DNMBP: variants seen among roughly 807,000 people sequenced by gnomAD.
DNMBP encodes dynamin-binding protein.
DNMBP carries 87 observed loss-of-function variants against 150.0 expected under a neutral mutation model. The ratio of observed to expected loss-of-function variants is 0.58; its 90% CI spans 0.49 to 0.69. The LOEUF is 0.69. Ranked by LOEUF, DNMBP falls within the 30% of genes least tolerant of loss-of-function variation. DNMBP has a pLI of 0.00. For missense variants in DNMBP, 1,774 were observed against 1,949.0 expected (o/e 0.91, Z 1.69); for synonymous variants, 711 against 750.4 (o/e 0.95, Z 0.86).
intron 6 of DNMBP, among the ~76,000 whole-genome samples, chr10:99,906,326 T>A (rs1321783146): frequency 1.3e-5 from 2 of 152,160 alleles, no homozygotes; most frequent in Non-Finnish European, 2.9e-5. Flanking sequence ...TTGCAAACTC[T>A]TAAAACGACA....
At chr10:99,931,009 T>G (rs2040151057) in intron 4 of DNMBP, 1 of 392,588 alleles carries the variant, frequency 2.5e-6, no homozygotes, top group African/African-American at 2.1e-5. Context: ...GTAACTAGTA[T>G]GCATGTGATT....
intron 1 of DNMBP, among the ~76,000 whole-genome samples, chr10:99,974,683 G>T (rs1403844708): frequency 1.3e-5 from 2 of 152,012 alleles, no homozygotes; most frequent in Non-Finnish European, 2.9e-5. Flanking sequence ...AGATGAATGA[G>T]GACTCTACCT....
At chr10:99,942,758 A>C (rs932375504) in intron 4 of DNMBP, among the ~76,000 whole-genome samples, 5 of 152,182 alleles carry the variant, frequency 3.3e-5, no homozygotes, top group Admixed American at 6.5e-5. Context: ...TCCTAAAATC[A>C]GAAACTAGTT....
At position 99,969,735 on chromosome 10, in the gene DNMBP, T is replaced by C. The variant is rs557318387; in HGVS notation, c.146-498A>G. 7.2e-5 allele frequency among the ~76,000 whole-genome samples: 11 copies of C among 152,256 alleles called. No individual in the cohort carries two copies. In the South Asian group the frequency reaches 2.1e-3, roughly 29 times the overall value. On this transcript the variant is annotated intron_variant, in intron 2 of 16. Transcript: ENST00000324109. The stretch of plus-strand genomic sequence containing the variant: ...TAGGTGGTGGGAGAAAGACAGGGCC[T>C]GCCAGTTGGAAAGTATCAGAAAGTC...
intron 4 of DNMBP, among the ~76,000 whole-genome samples, chr10:99,950,590 G>A (rs2040409546): frequency 6.6e-6 from 1 of 152,230 alleles, no homozygotes; most frequent in Admixed American, 6.5e-5. Flanking sequence ...AGAAGGAGAT[G>A]AGGAACTTGT....
At chr10:99,995,798 C>T (rs773763148) in intron 1 of DNMBP, among the ~76,000 whole-genome samples, 23 of 152,332 alleles carry the variant, frequency 1.5e-4, no homozygotes, top group East Asian at 1.9e-4. Flanking sequence ...TTATCTTTGC[C>T]TTTTGGGGCC....
intron 4 of DNMBP, among the ~76,000 whole-genome samples, chr10:99,916,957 C>T (rs952461608): frequency 6.6e-5 from 10 of 151,938 alleles, no homozygotes; most frequent in Non-Finnish European, 8.8e-5. Flanking sequence ...AGCGAGATCA[C>T]GCCACTGTAC....
chr10:99,978,342 G>C (rs2040749799), intron 1 of DNMBP, among the ~76,000 whole-genome samples: 1 of 151,958 alleles, frequency 6.6e-6, no homozygotes, highest in African/African-American at 2.4e-5. Flanking sequence ...TTTTCAAACA[G>C]TGAGGTTGAA....
rs185580727 is a variant in DNMBP, at chr10:99,877,460, T to C, written c.4549-124A>G. ...ATGTGGCTACTGAGCCCCTGAAATA[T>C]GGCCAGTGAGACAGAGGAACTGAAT... On this transcript the variant is annotated intron_variant, in intron 16 of 16. Transcript: ENST00000324109. 1.7e-5 allele frequency: 11 copies of C among 659,848 alleles called. No individual in the cohort carries two copies. The Admixed American group carries it at 3.1e-4, about 18-fold the overall frequency. 40.9% of individuals were successfully genotyped at this position (659,848 alleles called of 1,614,324 possible).
chr10:99,946,157 C>A (rs1282981018), intron 4 of DNMBP, among the ~76,000 whole-genome samples: 1 of 152,118 alleles, frequency 6.6e-6, no homozygotes, highest in Non-Finnish European at 1.5e-5. Context: ...AGGGTTTCAC[C>A]ATGTTGGCCA....
chr10:99,878,185 A>C (rs73333933), intron 16 of DNMBP, among the ~76,000 whole-genome samples: 21 of 152,372 alleles, frequency 1.4e-4, no homozygotes, highest in African/African-American at 4.8e-4. Context: ...AACACAAATT[A>C]TGAAAAAGAA....
At chr10:99,988,947 G>A (rs2040857137) in intron 1 of DNMBP, among the ~76,000 whole-genome samples, 2 of 152,276 alleles carry the variant, frequency 1.3e-5, no homozygotes, top group Admixed American at 6.5e-5. Flanking sequence ...ATGGGCGTGA[G>A]CCACTGCACC....
At chr10:99,901,583 T>C (rs950936917) in intron 6 of DNMBP, among the ~76,000 whole-genome samples, 5 of 152,192 alleles carry the variant, frequency 3.3e-5, no homozygotes, top group African/African-American at 1.2e-4. Flanking sequence ...AGCAAACTTC[T>C]ACAGAACAAT....
At chr10:99,930,942 C>T in intron 4 of DNMBP, 1 of 492,694 alleles carries the variant, frequency 2.0e-6, no homozygotes, top group Non-Finnish European at 3.5e-6. Flanking sequence ...GTTATTTCAA[C>T]CTCAGGATCC....
chr10:99,987,539 A>G (rs375708718), intron 1 of DNMBP, among the ~76,000 whole-genome samples: 46 of 152,146 alleles, frequency 3.0e-4, no homozygotes, highest in African/African-American at 1.0e-3. Flanking sequence ...TTCGAGACCA[A>G]CATGGCCAAC....
intron 11 of DNMBP, among the ~76,000 whole-genome samples, chr10:99,890,922 C>T (rs1475478993): frequency 1.3e-5 from 2 of 152,126 alleles, no homozygotes; most frequent in Non-Finnish European, 1.5e-5. Context: ...GTTGGGATTA[C>T]AGGCATGAGC....
chr10:99,894,981 T>C lies in DNMBP; in HGVS notation c.3121A>G (p.Ile1041Val), dbSNP rs2039630056. Reference sequence around the variant, plus strand: ...TGGAGGTAGAGAGACAGGTCTCGGATAAAAGACTTAATCAATCTTTCTTGC... The same window carrying C: ...TGGAGGTAGAGAGACAGGTCTCGGACAAAAGACTTAATCAATCTTTCTTGC... ...RMQERLIKSF[I>V]RDLSLYLQHI... The change falls in exon 11 of 17, where the codon ATC becomes GTC. Residue 1041 changes from isoleucine (I) to valine (V), a missense_variant. By Grantham distance (29) the Ile-to-Val change is conservative. This residue lies in a region of DNMBP where 1,430 missense variants were observed against 1,492.5 expected (regional missense o/e 0.96). Coordinates refer to ENST00000324109, the MANE Select transcript of DNMBP (RefSeq NM_015221.4). 6.2e-7 allele frequency: 1 copy of C among 1,614,124 alleles called. No individual in the cohort carries two copies. The highest frequency in any genetic ancestry group is 1.1e-5 in the South Asian group (1 of 91,080).
At position 99,969,255 on chromosome 10, in the gene DNMBP, CAT is replaced by C. The variant is rs1410844669; in HGVS notation, c.146-20_146-19del. 6.2e-7 allele frequency: 1 copy of C among 1,613,206 alleles called. No individual in the cohort carries two copies. Among genetic ancestry groups the C allele is most frequent in the Non-Finnish European group, 8.5e-7 (1 of 1,179,630 alleles). ...GAATTGTCCTGAAAATAAAAGCAAA[CAT>C]ATTAAATTTTAATACTGAGATTTCT... On this transcript the variant is annotated intron_variant, in intron 2 of 16. Coordinates refer to ENST00000324109, the MANE Select transcript of DNMBP (RefSeq NM_015221.4).
In DNMBP at chr10:99,896,291, C is replaced by T; in HGVS notation, c.3027G>A (p.Lys1009=). ...CCTGAGGAGCAAAGCCAGTGAGATG[C>T]TTCAGGTGACTGCTAACTCGGTTGG... ...KKSNRVSSHL[K]HLTGFAPQIK... Residue 1009 remains lysine (K), a synonymous_variant, in exon 10 of 17, where the codon AAG becomes AAA. Transcript: ENST00000324109. The T allele has an allele frequency of 6.2e-7, 1 of 1,614,152 alleles. No individual in the cohort carries two copies.
Sources: gnomAD v4.1 joint callset for allele counts (sites outside exome capture counted in the v4.1 genomes callset) on GRCh38, gnomAD v4.1.1 for gene constraint, gnomAD v4.1.1 regional missense constraint, MANE v1.5 for transcripts, NCBI Gene and HGNC (gene_info 2026-07-23, HGNC 2026-07-21) for gene names.